The following MYO10 variants were observed in gnomAD, a reference collection of about 807,000 sequenced individuals.
MYO10 encodes the protein myosin X, also known as unconventional myosin-X.
Under a neutral mutation model 257.3 loss-of-function variants are expected in MYO10, and 133 were observed. The observed-to-expected ratio is 0.52, with a 90% CI of 0.45 to 0.60. MYO10 has a LOEUF of 0.60. MYO10 is among the 20% of genes least tolerant of loss of function. MYO10 has a pLI of 0.00. For missense variants in MYO10, 2,399 were observed against 2,635.7 expected, an observed-to-expected ratio of 0.91 and a Z score of 1.97; for synonymous variants, 1,104 against 1,028.6, an observed-to-expected ratio of 1.07 and a Z score of -1.40.
At chr5:16,816,491 C>T (rs1260616825) in intron 3 of MYO10, among the ~76,000 whole-genome samples, 2 of 151,132 alleles carry the variant, frequency 1.3e-5, no homozygotes, top group African/African-American at 4.9e-5. Context: ...TTAAGCATGC[C>T]TTGAGTTTCA....
intron 26 of MYO10, among the ~76,000 whole-genome samples, chr5:16,696,992 GAAA>G (rs768513311): frequency 1.3e-5 from 2 of 152,072 alleles, no homozygotes; most frequent in Non-Finnish European, 2.9e-5. Context: ...TTCTAACTGA[GAAA>G]ATCTTAAGAT....
chr5:16,868,464 C>T (rs1398461419), intron 2 of MYO10, among the ~76,000 whole-genome samples: 1 of 152,142 alleles, frequency 6.6e-6, no homozygotes, highest in African/African-American at 2.4e-5. Context: ...ATTAGCCAGG[C>T]GTGGTGGCAC....
In MYO10 at chr5:16,780,866, A is replaced by G; in HGVS notation, c.728-125T>C. 7.2e-6 allele frequency: 7 copies of G among 968,394 alleles called. No homozygotes were observed. The South Asian group carries it at 1.2e-4, about 16-fold the overall frequency. The allele number at this position is 968,394 out of a possible 1,614,324, so 60.0% of individuals were successfully genotyped here. A position where few individuals can be genotyped will look rare whatever the true frequency, so the allele number is the denominator to read the frequency against. On this transcript the variant is annotated intron_variant, in intron 6 of 40. Coordinates refer to ENST00000513610, the MANE Select transcript of MYO10 (RefSeq NM_012334.3). ...CAGTTCCCTGTTCCTTTGACATAGA[A>G]GCTTCCAGTGCCAACAGACAAGCAA...
chr5:16,702,853 GCA>G, intron 23 of MYO10, 70 bp downstream of exon 23: 1 of 1,358,128 alleles, frequency 7.4e-7, no homozygotes, highest in Non-Finnish European at 1.0e-6. Flanking sequence ...ATTTCTGGCT[GCA>G]CAGACAGATA....
chr5:16,782,801 A>C (rs1002689950), intron 5 of MYO10, among the ~76,000 whole-genome samples: 5 of 152,086 alleles, frequency 3.3e-5, no homozygotes, highest in Non-Finnish European at 7.4e-5. Context: ...CCCTCTTTCT[A>C]AGTTTTGAGG....
chr5:16,673,578 G>A lies in MYO10; in HGVS notation c.5172+104C>T. ...TATTGAGAGCTGTACTAAGCAAACT[G>A]CAACTGTGCAGGACAGCCACTCTAA... On this transcript the variant is annotated intron_variant, in intron 36 of 40. Transcript: ENST00000513610. 13 of 1,262,178 alleles carry A rather than the reference G, an allele frequency of 1.0e-5. No individual in the cohort carries two copies. The South Asian group carries it at 1.8e-4, about 17-fold the overall frequency. 78.2% of individuals were successfully genotyped at this position (1,262,178 alleles called of 1,614,324 possible). A position where few individuals can be genotyped will look rare whatever the true frequency, so the allele number is the denominator to read the frequency against.
intron 1 of MYO10, among the ~76,000 whole-genome samples, chr5:16,900,118 C>T (rs1745335965): frequency 6.7e-6 from 1 of 149,922 alleles, no homozygotes; most frequent in African/African-American, 2.5e-5. Flanking sequence ...TCCTAAAGTA[C>T]AAAACTCACA....
At chr5:16,858,265 T>A (rs150048549) in intron 2 of MYO10, among the ~76,000 whole-genome samples, 6 of 152,152 alleles carry the variant, frequency 3.9e-5, no homozygotes, top group African/African-American at 1.4e-4. Flanking sequence ...TAAGAAACAA[T>A]CTCAGCTTGT....
At chr5:16,839,728 G>A (rs543716242) in intron 2 of MYO10, among the ~76,000 whole-genome samples, 1 of 152,088 alleles carries the variant, frequency 6.6e-6, no homozygotes, top group Non-Finnish European at 1.5e-5. Flanking sequence ...GTGACAGAGT[G>A]AAACTCTGTC....
At chr5:16,676,545 T>C (rs1332202324) in intron 33 of MYO10, among the ~76,000 whole-genome samples, 2 of 152,158 alleles carry the variant, frequency 1.3e-5, no homozygotes, top group Non-Finnish European at 2.9e-5. Flanking sequence ...TGAAACCCTG[T>C]CTCCACTAAA....
intron 19 of MYO10, among the ~76,000 whole-genome samples, chr5:16,734,124 GA>G (rs1440489830): frequency 2.0e-5 from 3 of 150,764 alleles, no homozygotes; most frequent in African/African-American, 7.3e-5. Flanking sequence ...AAAAAAGAAA[GA>G]AAGAAAACAA....
chr5:16,826,820 G>A (rs1199222360), intron 2 of MYO10, among the ~76,000 whole-genome samples: 2 of 152,090 alleles, frequency 1.3e-5, no homozygotes, highest in South Asian at 2.1e-4. Context: ...ATGAATCAAA[G>A]TAGTGATCAA....
chr5:16,844,946 ACACACAC>A (rs1473115964), intron 2 of MYO10, among the ~76,000 whole-genome samples: 3 of 131,374 alleles, frequency 2.3e-5, no homozygotes, highest in African/African-American at 1.0e-4. Flanking sequence ...ATACACACAC[ACACACAC>A]GCACACACAC....
intron 2 of MYO10, among the ~76,000 whole-genome samples, chr5:16,821,598 C>G (rs1742819062): frequency 6.6e-6 from 1 of 151,492 alleles, no homozygotes; most frequent in African/African-American, 2.4e-5. Flanking sequence ...TCCCGAGTAG[C>G]TGGGACTACA....
chr5:16,802,404 A>G (rs1433632187), intron 3 of MYO10, among the ~76,000 whole-genome samples: 4 of 152,128 alleles, frequency 2.6e-5, no homozygotes, highest in African/African-American at 9.7e-5. Context: ...CATGCCTGTA[A>G]TCCCAACACT....
chr5:16,774,195 G>C (rs1033770823), intron 9 of MYO10, among the ~76,000 whole-genome samples: 2 of 152,086 alleles, frequency 1.3e-5, no homozygotes, highest in Non-Finnish European at 2.9e-5. Context: ...TGTGTTGGGG[G>C]ATGGTGGCGA....
At chr5:16,788,997 C>T (rs1303233713) in intron 4 of MYO10, among the ~76,000 whole-genome samples, 1 of 152,142 alleles carries the variant, frequency 6.6e-6, no homozygotes, top group Non-Finnish European at 1.5e-5. Context: ...GGATCCATGA[C>T]ACACCTGAAG....
At chr5:16,890,198 A>G (rs1745011426) in intron 1 of MYO10, among the ~76,000 whole-genome samples, 1 of 151,934 alleles carries the variant, frequency 6.6e-6, no homozygotes, top group African/African-American at 2.4e-5. Context: ...TAAAAGGTAC[A>G]TAAAAGATAA....
At chr5:16,740,126 G>A (rs904250249) in intron 19 of MYO10, among the ~76,000 whole-genome samples, 12 of 152,092 alleles carry the variant, frequency 7.9e-5, no homozygotes, top group Non-Finnish European at 1.3e-4. Flanking sequence ...CTTGAGAACC[G>A]CAGTCCACCC....
Sources: gnomAD v4.1 joint callset for allele counts (sites outside exome capture counted in the v4.1 genomes callset) on GRCh38, gnomAD v4.1.1 for gene constraint, MANE v1.5 for transcripts, NCBI Gene and HGNC (gene_info 2026-07-23, HGNC 2026-07-21) for gene names.